The following PLXDC1 variants were observed in gnomAD, a reference collection of about 807,000 sequenced individuals.
PLXDC1 encodes plexin domain-containing protein 1.
PLXDC1 carries 39 observed loss-of-function variants against 61.3 expected under a neutral mutation model. The ratio of observed to expected loss-of-function variants is 0.64; its 90% CI spans 0.49 to 0.83. The LOEUF (loss-of-function observed/expected upper bound fraction) is 0.83. Among genes scored for constraint, PLXDC1 ranks in the 40% least tolerant of loss-of-function variants. The pLI, the probability that PLXDC1 is intolerant of heterozygous loss-of-function variation, is 0.00. For synonymous variants in PLXDC1, 212 were observed against 254.5 expected (o/e 0.83, Z 1.59); for missense variants, 596 against 666.5 (o/e 0.89, Z 1.17).
chr17:39,063,543 C>T lies in PLXDC1; in HGVS notation c.*4297G>A. 2.8e-6 allele frequency: 2 copies of T among 702,442 alleles called. No homozygotes were observed. The highest frequency in any genetic ancestry group is 1.5e-5 in the South Asian group (1 of 67,450). The allele number at this position is 702,442 out of a possible 1,614,324, so 43.5% of individuals were successfully genotyped here. A position where few individuals can be genotyped will look rare whatever the true frequency, so the allele number is the denominator to read the frequency against. ...GTCGGAGTTCAGCAGCCATCAGAAC[C>T]AAGGTATGTGTGGTGATCTTCGGAA... is the stretch of plus-strand genomic sequence containing the variant. On this transcript the variant is annotated 3_prime_UTR_variant, in exon 14 of 14. Transcript: ENST00000315392.
At chr17:39,110,403 G>A (rs1283456964) in intron 2 of PLXDC1, among the ~76,000 whole-genome samples, 3 of 152,210 alleles carry the variant, frequency 2.0e-5, no homozygotes, top group Admixed American at 6.5e-5. Context: ...GCTATGGGCT[G>A]GGGGTTCATT....
chr17:39,109,405 A>T lies in PLXDC1; in HGVS notation c.256-14T>A, dbSNP rs1258619137. ...GTGGTTGTCCTCCTGCCGGCACCCAAGATAAAGCCCACAGGAGGTGTGAGT... is the reference window on the plus strand; with the variant it reads ...GTGGTTGTCCTCCTGCCGGCACCCATGATAAAGCCCACAGGAGGTGTGAGT... On this transcript the variant is annotated splice_polypyrimidine_tract_variant and intron_variant, in intron 2 of 13. Transcript: ENST00000315392. The T allele has an allele frequency of 1.9e-6, 3 of 1,572,630 alleles. No homozygotes were observed. The East Asian group carries it at 6.9e-5, about 36-fold the overall frequency.
intron 7 of PLXDC1, among the ~76,000 whole-genome samples, chr17:39,102,411 T>C (rs56272412): frequency 0.42 from 63,233 of 151,814 alleles, 13,394 homozygotes; most frequent in Non-Finnish European, 0.44. Context: ...GCTATCAAAA[T>C]TGTAAATGCC....
At chr17:39,135,537 CGTGGTGGCGCATGCCT>C (rs1394138454) in intron 2 of PLXDC1, among the ~76,000 whole-genome samples, 8 of 152,068 alleles carry the variant, frequency 5.3e-5, no homozygotes, top group African/African-American at 1.9e-4. Flanking sequence ...ATTAGCTGGG[CGTGGTGGCGCATGCCT>C]GTAATCCCAG....
intron 7 of PLXDC1, among the ~76,000 whole-genome samples, chr17:39,088,486 C>G (rs1909824940): frequency 1.3e-5 from 2 of 152,180 alleles, no homozygotes; most frequent in South Asian, 4.1e-4. Context: ...AGTGGAAAGA[C>G]AGAAACACCT....
intron 2 of PLXDC1, among the ~76,000 whole-genome samples, chr17:39,112,503 G>T (rs1910845043): frequency 7.1e-6 from 1 of 141,226 alleles, no homozygotes; most frequent in South Asian, 2.2e-4. Flanking sequence ...TGTCGCCCAG[G>T]CTGGAGTGCA....
At chr17:39,069,294 C>T (rs545232699) in intron 13 of PLXDC1, among the ~76,000 whole-genome samples, 99 of 152,068 alleles carry the variant, frequency 6.5e-4, no homozygotes, top group African/African-American at 2.2e-3. Context: ...TTTGTAGAGA[C>T]GGGGTCTCAC....
intron 2 of PLXDC1, among the ~76,000 whole-genome samples, chr17:39,129,775 GAAAA>G (rs202045887): frequency 0.044 from 4,930 of 112,166 alleles, 108 homozygotes; most frequent in East Asian, 0.081. Context: ...AAGAGAGAAA[GAAAA>G]AGAAAGAAAG....
In PLXDC1 at chr17:39,108,258, A is replaced by G; in HGVS notation, c.470-13T>C. 6.2e-7 allele frequency: 1 copy of G among 1,613,396 alleles called. No individual in the cohort carries two copies. Among genetic ancestry groups the G allele is most frequent in the East Asian group, 2.2e-5 (1 of 44,872 alleles). ...ATGAAGATGAAGCCTAGGGTGGGAG[A>G]GGTGCAGAGGAGTCACCAGAAATGG... On this transcript the variant is annotated splice_polypyrimidine_tract_variant and intron_variant, in intron 4 of 13. Transcript: ENST00000315392.
At chr17:39,135,773 A>AAAC (rs374132487) in intron 2 of PLXDC1, among the ~76,000 whole-genome samples, 5 of 151,998 alleles carry the variant, frequency 3.3e-5, no homozygotes, top group Non-Finnish European at 4.4e-5. Flanking sequence ...GGGGAACTTG[A>AAAC]AACAACAACA....
intron 7 of PLXDC1, among the ~76,000 whole-genome samples, chr17:39,105,288 G>A (rs74815543): frequency 0.01 from 1,558 of 152,326 alleles, 31 homozygotes; most frequent in African/African-American, 0.035. Context: ...ACGCAATGGG[G>A]GTCGGGAGCA....
chr17:39,139,542 G>A, intron 2 of PLXDC1, 112 bp downstream of exon 2: 1 of 1,048,814 alleles, frequency 9.5e-7, no homozygotes, highest in Non-Finnish European at 1.4e-6. Flanking sequence ...TGTCCTCCGG[G>A]GCCAACCCCA....
chr17:39,131,075 G>A (rs1322092446), intron 2 of PLXDC1, among the ~76,000 whole-genome samples: 2 of 152,114 alleles, frequency 1.3e-5, no homozygotes, highest in Non-Finnish European at 2.9e-5. Context: ...GAACCATCAT[G>A]GGCCTCATAT....
chr17:39,078,010 G>T lies in PLXDC1; in HGVS notation c.1089C>A (p.Asp363Glu). The change falls in exon 11 of 14, where the codon GAC (aspartate) becomes GAA (glutamate). Residue 363 changes from aspartate to glutamate, a missense_variant. By Grantham distance (45) the Asp-to-Glu change is conservative (BLOSUM62 2). Coordinates refer to ENST00000315392, the MANE Select transcript of PLXDC1 (RefSeq NM_020405.5). The part of the protein sequence containing the change: ...GRMCEDFQDE[D>E]HDSASPDTSF... ...AAGTGTCAGGGGAGGCTGAGTCGTG[G>T]TCCTCATCCTGGAAGTCCTCGCACA... 2 of 1,612,762 alleles carry T rather than the reference G, an allele frequency of 1.2e-6. No homozygotes were observed. Among genetic ancestry groups the T allele is most frequent in the Non-Finnish European group, 1.7e-6 (2 of 1,179,242 alleles).
intron 8 of PLXDC1, among the ~76,000 whole-genome samples, chr17:39,086,971 G>A: frequency 6.6e-6 from 1 of 151,854 alleles, no homozygotes; most frequent in East Asian, 1.9e-4. Context: ...GAGAGGAAAT[G>A]AAGACCTTCA....
intron 1 of PLXDC1, among the ~76,000 whole-genome samples, chr17:39,146,952 T>C (rs2045346348): frequency 7.3e-6 from 1 of 137,420 alleles, no homozygotes; most frequent in Non-Finnish European, 1.6e-5. Flanking sequence ...GAAATGATTT[T>C]TTTTTTTTTT....
chr17:39,078,565 G>T (rs1296345439), intron 10 of PLXDC1, among the ~76,000 whole-genome samples: 2 of 152,228 alleles, frequency 1.3e-5, no homozygotes, highest in Non-Finnish European at 2.9e-5. Context: ...CAGATGAATA[G>T]ACCCATCTAT....
chr17:39,083,393 G>T, intron 9 of PLXDC1, 66 bp downstream of exon 9: 2 of 1,273,468 alleles, frequency 1.6e-6, no homozygotes, highest in Non-Finnish European at 2.3e-6. Flanking sequence ...CCAGGACGGG[G>T]CCATGCCACC....
rs1567750496 is a variant in PLXDC1, at chr17:39,066,145, A to G, written c.*1695T>C. 6.6e-6 allele frequency: 1 copy of G among 152,236 alleles called. No individual in the cohort carries two copies. The highest frequency in any genetic ancestry group is 1.5e-5 in the Non-Finnish European group (1 of 68,074). 9.4% of individuals were successfully genotyped at this position (152,236 alleles called of 1,614,324 possible). On this transcript the variant is annotated 3_prime_UTR_variant, in exon 14 of 14. Transcript: ENST00000315392. ...TATAAAATCCAGTTCAGAGGAGGAAAAATATTTATCAGGCAAGTCCTGCCT... is the reference window on the plus strand; with the variant it reads ...TATAAAATCCAGTTCAGAGGAGGAAGAATATTTATCAGGCAAGTCCTGCCT...
Sources: gnomAD v4.1 joint callset for allele counts (sites outside exome capture counted in the v4.1 genomes callset) on GRCh38, gnomAD v4.1.1 for gene constraint, MANE v1.5 for transcripts, NCBI Gene and HGNC (gene_info 2026-07-23, HGNC 2026-07-21) for gene names.